The following MYRIP variants were observed in gnomAD, a reference collection of about 807,000 sequenced individuals.
MYRIP encodes myosin VIIA and Rab interacting protein, also known as rab effector MyRIP.
In MYRIP, 49 loss-of-function variants were observed where a neutral mutation model predicts 98.0. That is an observed-to-expected ratio of 0.50 (90% confidence interval 0.40 to 0.63). The LOEUF (loss-of-function observed/expected upper bound fraction) is 0.63. MYRIP is among the 30% of genes least tolerant of loss of function. MYRIP has a pLI of 0.00. For synonymous variants in MYRIP, 404 were observed against 409.5 expected, an observed-to-expected ratio of 0.99 and a Z score of 0.16; for missense variants, 1,004 against 1,058.2, an observed-to-expected ratio of 0.95 and a Z score of 0.71.
intron 2 of MYRIP, among the ~76,000 whole-genome samples, chr3:39,991,771 C>T (rs1324878913): frequency 1.3e-5 from 2 of 152,158 alleles, no homozygotes; most frequent in African/African-American, 4.8e-5. Context: ...TTATCCTGCT[C>T]TATAGCTTCT....
chr3:39,831,537 A>G (rs1047738456), intron 1 of MYRIP, among the ~76,000 whole-genome samples: 2 of 152,164 alleles, frequency 1.3e-5, no homozygotes, highest in African/African-American at 4.8e-5. Flanking sequence ...TATTAATCCC[A>G]TATTTTACCT....
chr3:39,894,750 T>A (rs780127449), intron 1 of MYRIP, among the ~76,000 whole-genome samples: 4 of 152,210 alleles, frequency 2.6e-5, no homozygotes, highest in Non-Finnish European at 4.4e-5. Context: ...TTACAGTATT[T>A]TTCTGTAATA....
At chr3:39,994,263 A>G (rs1946274342) in intron 2 of MYRIP, among the ~76,000 whole-genome samples, 1 of 152,248 alleles carries the variant, frequency 6.6e-6, no homozygotes, top group Admixed American at 6.5e-5. Context: ...GGGAAGTGCA[A>G]GGGGTCAGGG....
chr3:40,242,139 A>G (rs1953036583), intron 12 of MYRIP: 1 of 152,190 alleles, frequency 6.6e-6, no homozygotes, highest in South Asian at 2.1e-4. Flanking sequence ...ACCTTCCTAG[A>G]GCAAAAAAAT....
chr3:40,054,747 T>C (rs895776037), intron 3 of MYRIP, among the ~76,000 whole-genome samples: 1 of 152,160 alleles, frequency 6.6e-6, no homozygotes, highest in Admixed American at 6.6e-5. Flanking sequence ...CATAAGCCTA[T>C]TCCTTAAAAT....
At position 40,182,366 on chromosome 3, in the gene MYRIP, T is replaced by A. The variant is rs1312434751; in HGVS notation, c.1020T>A (p.Asp340Glu). The A allele has an allele frequency of 6.2e-7, 1 of 1,612,246 alleles. No homozygotes were observed. The highest frequency in any genetic ancestry group is 1.7e-5 in the Admixed American group (1 of 59,696). Residue 340 changes from aspartate to glutamate, a missense_variant, in exon 9 of 17, where the codon GAT becomes GAA. Asp to Glu is a conservative substitution (Grantham distance 45). Around this residue, in one of 3 missense-constraint regions of MYRIP, gnomAD observed 880 missense variants for 907.7 expected, o/e 0.97. Transcript: ENST00000302541. ...GCTGGAAGAGTGTGGACAGGCTGGA[T>A]GAAACAAGTAACTGTTTTAAGCAGT... is the stretch of plus-strand genomic sequence containing the variant. ...LPSWKSVDRLDETNLAPVLQS... is the reference protein window; with the variant it reads ...LPSWKSVDRLEETNLAPVLQS...
chr3:39,963,200 C>G (rs1489109247), intron 2 of MYRIP, among the ~76,000 whole-genome samples: 1 of 152,048 alleles, frequency 6.6e-6, no homozygotes, highest in Non-Finnish European at 1.5e-5. Flanking sequence ...CAATGCTTAC[C>G]TGATTTGGCA....
chr3:40,059,030 A>T (rs529325889), intron 3 of MYRIP, among the ~76,000 whole-genome samples: 2 of 145,692 alleles, frequency 1.4e-5, no homozygotes, highest in South Asian at 4.3e-4. Context: ...GAGAACATGT[A>T]GTGTTTGGTT....
intron 2 of MYRIP, among the ~76,000 whole-genome samples, chr3:39,920,604 A>C (rs765047814): frequency 6.6e-6 from 1 of 152,070 alleles, no homozygotes; most frequent in Non-Finnish European, 1.5e-5. Context: ...TTTTTTTCTG[A>C]TTAAAGAAAC....
chr3:40,096,847 A>T (rs370146308), intron 3 of MYRIP, among the ~76,000 whole-genome samples: 51 of 152,320 alleles, frequency 3.3e-4, no homozygotes, highest in African/African-American at 1.2e-3. Flanking sequence ...TGTAAGAAAA[A>T]TCTGGGCACT....
intron 13 of MYRIP, among the ~76,000 whole-genome samples, chr3:40,249,318 T>A (rs1177986102): frequency 1.3e-5 from 2 of 152,132 alleles, no homozygotes; most frequent in Non-Finnish European, 2.9e-5. Flanking sequence ...GCGTCCCCCA[T>A]ACCGGGTGTT....
intron 1 of MYRIP, among the ~76,000 whole-genome samples, chr3:39,889,203 A>C (rs1377762360): frequency 9.2e-5 from 14 of 152,244 alleles, no homozygotes; most frequent in South Asian, 4.1e-4. Flanking sequence ...GAGTATAAAT[A>C]ATGCTGCTAT....
intron 3 of MYRIP, among the ~76,000 whole-genome samples, chr3:40,135,757 C>A (rs541477893): frequency 1.3e-5 from 2 of 152,282 alleles, no homozygotes; most frequent in Admixed American, 1.3e-4. Context: ...GAATTTTCAA[C>A]CCAGAATTTC....
chr3:40,066,216 C>A (rs1313446747), intron 3 of MYRIP, among the ~76,000 whole-genome samples: 1 of 152,154 alleles, frequency 6.6e-6, no homozygotes, highest in African/African-American at 2.4e-5. Flanking sequence ...CCTCCCCACA[C>A]CAACTTGCAA....
chr3:39,813,000 A>G (rs1451514951), intron 1 of MYRIP, among the ~76,000 whole-genome samples: 11 of 152,178 alleles, frequency 7.2e-5, no homozygotes, highest in Admixed American at 7.2e-4. Flanking sequence ...GAGGTGGGAC[A>G]CTGTTGCCTT....
At chr3:39,874,630 T>C (rs1942917928) in intron 1 of MYRIP, among the ~76,000 whole-genome samples, 1 of 152,248 alleles carries the variant, frequency 6.6e-6, no homozygotes. Context: ...TCTGTTTATA[T>C]GCTGGATTAC....
At chr3:39,976,112 A>C (rs577628519) in intron 2 of MYRIP, among the ~76,000 whole-genome samples, 2 of 152,312 alleles carry the variant, frequency 1.3e-5, no homozygotes, top group East Asian at 1.9e-4. Flanking sequence ...GTGAACTGGC[A>C]ACCTACAGAA....
chr3:39,933,334 A>G (rs928765664), intron 2 of MYRIP, among the ~76,000 whole-genome samples: 3 of 152,222 alleles, frequency 2.0e-5, no homozygotes, highest in African/African-American at 7.2e-5. Context: ...CAAAAAGCCA[A>G]AATATTTACT....
chr3:39,999,945 A>C (rs1367502698), intron 2 of MYRIP, among the ~76,000 whole-genome samples: 1 of 149,230 alleles, frequency 6.7e-6, no homozygotes, highest in Admixed American at 6.7e-5. Context: ...CAAACACTGC[A>C]TGTTCTCACT....
Sources: gnomAD v4.1 joint callset for allele counts (sites outside exome capture counted in the v4.1 genomes callset) on GRCh38, gnomAD v4.1.1 for gene constraint, gnomAD v4.1.1 regional missense constraint, MANE v1.5 for transcripts, NCBI Gene and HGNC (gene_info 2026-07-23, HGNC 2026-07-21) for gene names.